HEATR3: variants seen among roughly 807,000 people sequenced by gnomAD.
HEATR3 encodes the protein HEAT repeat containing 3.
A neutral mutation model predicts 72.8 loss-of-function variants in HEATR3; 56 were observed. That is an observed-to-expected ratio of 0.77 (90% CI 0.62 to 0.96). The LOEUF (loss-of-function observed/expected upper bound fraction) is 0.96, where lower values mean the gene tolerates loss of function less well. Ranked by LOEUF, HEATR3 falls within the 40% of genes least tolerant of loss-of-function variation. The pLI is 0.00. For synonymous variants in HEATR3, 331 were observed against 318.1 expected (o/e 1.04, Z -0.43); for missense variants, 747 against 831.4 (o/e 0.90, Z 1.25).
At chr16:50,101,600 C>T (rs2037367134) in intron 13 of HEATR3, among the ~76,000 whole-genome samples, 1 of 152,178 alleles carries the variant, frequency 6.6e-6, no homozygotes, top group Non-Finnish European at 1.5e-5. Flanking sequence ...GTTATTCTCA[C>T]CTCCTGGATC....
chr16:50,066,168 C>T lies in HEATR3; in HGVS notation c.37C>T (p.Gln13Ter). ...CCGGACGAAGCGCTTCAAGCGACCT[C>T]AGTTCTCCCCTACGGGCGACTGTCA... ...KSRTKRFKRP[Q>*]FSPTGDCQAE... The change falls in exon 1 of 15, where the codon CAG becomes TAG. Residue 13 changes from glutamine to a stop codon, truncating the protein, a stop_gained. Coordinates refer to ENST00000299192, the MANE Select transcript of HEATR3 (RefSeq NM_182922.4). LOFTEE classifies it high-confidence loss of function. 1 of 1,596,972 alleles carries T rather than the reference C, an allele frequency of 6.3e-7. No homozygotes were observed.
chr16:50,079,831 C>G (rs1186625778), intron 7 of HEATR3, among the ~76,000 whole-genome samples: 1 of 152,168 alleles, frequency 6.6e-6, no homozygotes, highest in Non-Finnish European at 1.5e-5. Flanking sequence ...GTTGGGAAGA[C>G]AGACACATAA....
intron 11 of HEATR3, among the ~76,000 whole-genome samples, chr16:50,093,316 A>G (rs1228827091): frequency 6.6e-6 from 1 of 152,098 alleles, no homozygotes; most frequent in Non-Finnish European, 1.5e-5. Flanking sequence ...AACAACAACA[A>G]TCATTTATTA....
chr16:50,097,368 T>C (rs569985415), intron 12 of HEATR3, among the ~76,000 whole-genome samples: 3 of 147,046 alleles, frequency 2.0e-5, no homozygotes, highest in Non-Finnish European at 4.5e-5. Context: ...TCAGAATAGC[T>C]ATCCTAGCAA....
chr16:50,099,224 G>A (rs956801709), intron 12 of HEATR3, among the ~76,000 whole-genome samples: 2 of 152,144 alleles, frequency 1.3e-5, no homozygotes, highest in African/African-American at 4.8e-5. Context: ...AGGGCCTATA[G>A]GAATATCAAG....
chr16:50,088,089 T>C (rs1219507494), intron 11 of HEATR3, among the ~76,000 whole-genome samples: 1 of 152,154 alleles, frequency 6.6e-6, no homozygotes, highest in East Asian at 1.9e-4. Flanking sequence ...ATCGCGCCAT[T>C]GCACTCCAGC....
intron 11 of HEATR3, among the ~76,000 whole-genome samples, chr16:50,094,504 A>G (rs1335820203): frequency 6.6e-6 from 1 of 152,178 alleles, no homozygotes; most frequent in Non-Finnish European, 1.5e-5. Flanking sequence ...AACCACGATC[A>G]TCTTTCAGAC....
In HEATR3 at chr16:50,066,207, G is replaced by GCGGCGGCGAATGGGAC. The variant is rs750155901; in HGVS notation, c.80_95dup (p.Glu35TrpfsTer84). The GCGGCGGCGAATGGGAC allele has an allele frequency of 1.9e-6, 3 of 1,581,332 alleles. No homozygotes were observed. The highest frequency in any genetic ancestry group is 1.4e-5 in the African/African-American group (1 of 74,014). ...GGGCGACTGTCAGGCCGAGGCGGCT[G>GCGGCGGCGAATGGGAC]CGGCGGCGAATGGGACCGGAGGCGA... is the stretch of plus-strand genomic sequence containing the variant. On this transcript the variant is annotated frameshift_variant, in exon 1 of 15. Transcript: ENST00000299192. LOFTEE classifies it high-confidence loss of function.
At chr16:50,066,638 T>TGG in intron 2 of HEATR3, 99 bp downstream of exon 2, 1 of 1,073,680 alleles carries the variant, frequency 9.3e-7, no homozygotes, top group Non-Finnish European at 1.2e-6. Context: ...CTGTGTGCCA[T>TGG]CAGGCACTGG....
chr16:50,077,876 A>ACTTTTTTT (rs2036772245), intron 6 of HEATR3, among the ~76,000 whole-genome samples: 1 of 11,450 alleles, frequency 8.7e-5, no homozygotes, highest in Non-Finnish European at 1.6e-4. Flanking sequence ...AAATGGATGT[A>ACTTTTTTT]ATTTTTTTTT....
At position 50,106,013 on chromosome 16, in the gene HEATR3, C is replaced by A. The variant is rs544810758; in HGVS notation, c.*952C>A. On this transcript the variant is annotated 3_prime_UTR_variant, in exon 15 of 15. Coordinates refer to ENST00000299192, the MANE Select transcript of HEATR3 (RefSeq NM_182922.4). ...AATCTCAGGTAGCTCTTAACTAATT[C>A]GCCAGCAGTGAAGAAACTTCAACCA... 6.6e-6 allele frequency: 1 copy of A among 152,130 alleles called. No individual in the cohort carries two copies. Among genetic ancestry groups the A allele is most frequent in the African/African-American group, 2.4e-5 (1 of 41,448 alleles). 9.4% of individuals were successfully genotyped at this position (152,130 alleles called of 1,614,324 possible). A position where few individuals can be genotyped will look rare whatever the true frequency, so the allele number is the denominator to read the frequency against.
chr16:50,090,661 G>T (rs750666476), intron 11 of HEATR3, among the ~76,000 whole-genome samples: 1 of 152,102 alleles, frequency 6.6e-6, no homozygotes, highest in Non-Finnish European at 1.5e-5. Context: ...ACATCAATGC[G>T]TTTTTTAGCA....
chr16:50,067,202 A>G (rs975839359), intron 2 of HEATR3, among the ~76,000 whole-genome samples: 1 of 152,000 alleles, frequency 6.6e-6, no homozygotes, highest in Admixed American at 6.6e-5. Flanking sequence ...AAAATTATAA[A>G]CAATTAGTCG....
chr16:50,079,168 T>C (rs1323121430), intron 7 of HEATR3, 150 bp downstream of exon 7: 2 of 738,596 alleles, frequency 2.7e-6, no homozygotes, highest in Non-Finnish European at 4.3e-6. Context: ...GTTGATTCTC[T>C]TTATGTCATT....
chr16:50,070,697 T>C (rs1335075916), intron 4 of HEATR3, among the ~76,000 whole-genome samples: 1 of 151,582 alleles, frequency 6.6e-6, no homozygotes, highest in African/African-American at 2.4e-5. Context: ...GCGAAATTCC[T>C]GTCTCAAAAA....
At position 50,075,636 on chromosome 16, in the gene HEATR3, T is replaced by C. The variant is rs746468791; in HGVS notation, c.688T>C (p.Leu230=). The part of the protein sequence containing the change: ...ELLKSFSATA[L]NMLESALLSP... ...GCTGAAGTCTTTCAGTGCTACAGCA[T>C]TGAACATGCTGGAATCAGCACTGCT... Residue 230 remains leucine, a synonymous_variant, in exon 6 of 15, where the codon TTG becomes CTG. Coordinates refer to ENST00000299192, the MANE Select transcript of HEATR3 (RefSeq NM_182922.4). 6.8e-6 allele frequency: 11 copies of C among 1,612,766 alleles called. No individual in the cohort carries two copies. The highest frequency in any genetic ancestry group is 9.3e-6 in the Non-Finnish European group (11 of 1,178,842).
rs2037396205 is a variant in HEATR3, at chr16:50,102,729, C to T, written c.1920+294C>T. 2.0e-5 allele frequency among the ~76,000 whole-genome samples: 3 copies of T among 152,084 alleles called. No homozygotes were observed. The South Asian group carries it at 6.2e-4, about 32-fold the overall frequency. On this transcript the variant is annotated intron_variant, in intron 14 of 14. Transcript: ENST00000299192. ...GTATTATACTCTGTATTTTGCAAAGCACTTTCATACACATTTTGCATTTAT... is the reference window on the plus strand; with the variant it reads ...GTATTATACTCTGTATTTTGCAAAGTACTTTCATACACATTTTGCATTTAT...
At chr16:50,090,812 G>C (rs8062520) in intron 11 of HEATR3, among the ~76,000 whole-genome samples, 152,344 of 152,348 alleles carry the variant, frequency 1, 76,170 homozygotes, top group Non-Finnish European at 1. Context: ...GTATCCCATT[G>C]TGGGATATAT....
rs1260005772 is a variant in HEATR3 at position 50,107,135 on chromosome 16, A to C, written c.*2074A>C. ...AATATAATTATTTTCAAGGAGAAAA[A>C]AGTTCCTCATTCTGTTTATTCTTCC... On this transcript the variant is annotated 3_prime_UTR_variant, in exon 15 of 15. Transcript: ENST00000299192. Among the ~76,000 whole-genome samples the C allele has an allele frequency of 3.3e-5, 5 of 152,192 alleles. No individual in the cohort carries two copies. The highest frequency in any genetic ancestry group is 7.3e-5 in the Non-Finnish European group (5 of 68,036).
Sources: allele counts gnomAD v4.1 joint callset (sites outside exome capture counted in the v4.1 genomes callset), GRCh38; gene constraint gnomAD v4.1.1; transcripts MANE v1.5; gene names NCBI Gene and HGNC (gene_info 2026-07-23, HGNC 2026-07-21).